ZNF426: variants seen among roughly 807,000 people sequenced by gnomAD.
ZNF426 encodes the protein CTC-543D15.7.
A neutral mutation model predicts 24.0 loss-of-function variants in ZNF426; 23 were observed. The ratio of observed to expected loss-of-function variants is 0.96; its 90% confidence interval spans 0.69 to 1.36. The LOEUF is 1.36. Ranked by LOEUF, ZNF426 falls within the 40% of genes most tolerant of loss-of-function variation. The pLI, the probability that ZNF426 is intolerant of heterozygous loss-of-function variation, is 0.00. For synonymous variants in ZNF426, 272 were observed against 224.6 expected, an observed-to-expected ratio of 1.21 and a Z score of -1.89; for missense variants, 646 against 658.4, an observed-to-expected ratio of 0.98 and a Z score of 0.21.
In ZNF426 at chr19:9,529,225, G is replaced by C. The variant is rs150370157; in HGVS notation, c.820C>G (p.Leu274Val). ...CATTTGTAGGGCTTTTTTGCATTGA[G>C]GGTTTCTATAAGCACAGAAAGGCTT... ...STSLSVLIET[L>V]NAKKPYKCKE... Residue 274 changes from leucine to valine, a missense_variant, in exon 8 of 8, where the codon CTC becomes GTC. By Grantham distance (32) the Leu-to-Val change is conservative (BLOSUM62 1). Coordinates refer to ENST00000253115, the MANE Select transcript of ZNF426 (RefSeq NM_024106.3). 2 of 1,613,830 alleles carry C rather than the reference G, an allele frequency of 1.2e-6. No homozygotes were observed. The highest frequency in any genetic ancestry group is 1.7e-6 in the Non-Finnish European group (2 of 1,179,980).
chr19:9,525,748 A>G lies in ZNF426; in HGVS notation c.*2632T>C, dbSNP rs2073786124. 1 of 151,634 alleles carries G rather than the reference A, an allele frequency of 6.6e-6. No individual in the cohort carries two copies. The highest frequency in any genetic ancestry group is 2.1e-4 in the South Asian group (1 of 4,796). 9.4% of individuals were successfully genotyped at this position (151,634 alleles called of 1,614,324 possible). ...ATGATCCACCCACCTCTGCCTCCCAAAGTGCTGGGATTACAGGGTTGAGCC... is the reference window on the plus strand; with the variant it reads ...ATGATCCACCCACCTCTGCCTCCCAGAGTGCTGGGATTACAGGGTTGAGCC... On this transcript the variant is annotated 3_prime_UTR_variant, in exon 8 of 8. Coordinates refer to ENST00000253115, the MANE Select transcript of ZNF426 (RefSeq NM_024106.3).
intron 6 of ZNF426, among the ~76,000 whole-genome samples, chr19:9,531,979 C>T (rs1345596549): frequency 6.6e-6 from 1 of 152,022 alleles, no homozygotes; most frequent in Non-Finnish European, 1.5e-5. Context: ...AGCAAGACTC[C>T]ATCTCAAAAA....
intron 6 of ZNF426, among the ~76,000 whole-genome samples, chr19:9,532,244 T>G (rs530044838): frequency 3.0e-4 from 45 of 151,966 alleles, no homozygotes; most frequent in Admixed American, 6.6e-4. Context: ...TTAAAACTTA[T>G]GTTTTGTTTA....
In ZNF426 at chr19:9,525,036, T is replaced by A. The variant is rs2073777851; in HGVS notation, c.*3344A>T. 6.6e-6 allele frequency: 1 copy of A among 151,350 alleles called. No homozygotes were observed. The highest frequency in any genetic ancestry group is 1.5e-5 in the Non-Finnish European group (1 of 67,768). 9.4% of individuals were successfully genotyped at this position (151,350 alleles called of 1,614,324 possible). On this transcript the variant is annotated 3_prime_UTR_variant, in exon 8 of 8. Transcript: ENST00000253115. The stretch of plus-strand genomic sequence containing the variant: ...AGGCCGAGGCGGGCGGATCACGAGG[T>A]CAGGAGATCGAGACCATCCTGGCTA...
chr19:9,535,820 C>T (rs113914760), intron 3 of ZNF426, among the ~76,000 whole-genome samples: 1,777 of 144,346 alleles, frequency 0.012, 34 homozygotes, highest in African/African-American at 0.042. Context: ...GACAAAAGAG[C>T]GAGACTTTGT....
chr19:9,523,612 C>A lies in ZNF426; in HGVS notation c.*4768G>T, dbSNP rs1338018902. On this transcript the variant is annotated 3_prime_UTR_variant, in exon 8 of 8. Transcript: ENST00000253115. ...AATCAGTGGTCCCCTAACTTTTTGG[C>A]ACCAGGGACCAGTTTCGTGGAAGAC... is the stretch of plus-strand genomic sequence containing the variant. 2.0e-5 allele frequency: 3 copies of A among 152,210 alleles called. No individual in the cohort carries two copies. The highest frequency in any genetic ancestry group is 7.2e-5 in the African/African-American group (3 of 41,438). The allele number at this position is 152,210 out of a possible 1,614,324, so 9.4% of individuals were successfully genotyped here. A position where few individuals can be genotyped will look rare whatever the true frequency, so the allele number is the denominator to read the frequency against.
At position 9,536,286 on chromosome 19, in the gene ZNF426, T is replaced by A. The variant is rs1458772288; in HGVS notation, c.-54A>T. The A allele has an allele frequency of 6.2e-7, 1 of 1,614,150 alleles. No homozygotes were observed. The highest frequency in any genetic ancestry group is 8.5e-7 in the Non-Finnish European group (1 of 1,180,006). On this transcript the variant is annotated 5_prime_UTR_variant, in exon 3 of 8. Transcript: ENST00000253115. Reference sequence around the variant, plus strand: ...TCCTTTCATTGATGTCACCATCACTTCAGGACACCTCATTAATCTAAATGG... The same window carrying A: ...TCCTTTCATTGATGTCACCATCACTACAGGACACCTCATTAATCTAAATGG...
chr19:9,532,158 A>T (rs1270739409), intron 6 of ZNF426, among the ~76,000 whole-genome samples: 1 of 151,876 alleles, frequency 6.6e-6, no homozygotes. Flanking sequence ...GTGTAGATAC[A>T]TTGGACAAAA....
chr19:9,527,580 A>T lies in ZNF426; in HGVS notation c.*800T>A, dbSNP rs1470548248. On this transcript the variant is annotated 3_prime_UTR_variant, in exon 8 of 8. Coordinates refer to ENST00000253115, the MANE Select transcript of ZNF426 (RefSeq NM_024106.3). ...CTCCTGTATGTAGAAAGGACTGAAGACTCAATGAAGGCTCTCCCACGTCTT... is the reference window on the plus strand; with the variant it reads ...CTCCTGTATGTAGAAAGGACTGAAGTCTCAATGAAGGCTCTCCCACGTCTT... The T allele has an allele frequency of 6.6e-6, 1 of 152,238 alleles. No individual in the cohort carries two copies. Among genetic ancestry groups the T allele is most frequent in the African/African-American group, 2.4e-5 (1 of 41,440 alleles). 9.4% of individuals were successfully genotyped at this position (152,238 alleles called of 1,614,324 possible). A position where few individuals can be genotyped will look rare whatever the true frequency, so the allele number is the denominator to read the frequency against.
In ZNF426 at chr19:9,531,087, C is replaced by T. The variant is rs2073876751; in HGVS notation, c.326-20G>A. ...CCCATCCTGAAATAAAACAGACAAA[C>T]AAATAAAAGGACTCAAGCTAGGCAC... On this transcript the variant is annotated intron_variant, in intron 6 of 7. Coordinates refer to ENST00000253115, the MANE Select transcript of ZNF426 (RefSeq NM_024106.3). 2 of 1,602,586 alleles carry T rather than the reference C, an allele frequency of 1.2e-6. No homozygotes were observed. Among genetic ancestry groups the T allele is most frequent in the Admixed American group, 1.7e-5 (1 of 59,944 alleles).
chr19:9,536,517 A>C, intron 2 of ZNF426, 161 bp from the exon 3 acceptor site: 1 of 534,670 alleles, frequency 1.9e-6, no homozygotes, highest in East Asian at 3.3e-5. Context: ...CCTGGGCAAC[A>C]TAGCAAGACC....
rs1418632525 is a variant in ZNF426, at chr19:9,523,875, GACCAGT to G, written c.*4499_*4504del. On this transcript the variant is annotated 3_prime_UTR_variant, in exon 8 of 8. Coordinates refer to ENST00000253115, the MANE Select transcript of ZNF426 (RefSeq NM_024106.3). ...GCACCCTGGATCCTAGCAGGCCACAGACCAGTACCAGTCCATGGCCCAGGGGTTTGG... is the reference window on the plus strand; with the variant it reads ...GCACCCTGGATCCTAGCAGGCCACAGACCAGTCCATGGCCCAGGGGTTTGG... The G allele has an allele frequency of 1.3e-5, 2 of 152,264 alleles. No individual in the cohort carries two copies. Among genetic ancestry groups the G allele is most frequent in the Non-Finnish European group, 2.9e-5 (2 of 68,082 alleles). The allele number at this position is 152,264 out of a possible 1,614,324, so 9.4% of individuals were successfully genotyped here.
rs1337167807 is a variant in ZNF426 at position 9,528,614 on chromosome 19, C to T, written c.1431G>A (p.Glu477=). ...MRIHTGEKPY[E]CKQCGKAFSH... is the part of the protein sequence containing the mutation. ...TGAAGGCCTTTCCACATTGTTTACA[C>T]TCATAGGGTTTTTCTCCAGTGTGGA... Residue 477 remains glutamate, a synonymous_variant, in exon 8 of 8, where the codon GAG becomes GAA. Transcript: ENST00000253115. 2 of 1,613,548 alleles carry T rather than the reference C, an allele frequency of 1.2e-6. No homozygotes were observed. The highest frequency in any genetic ancestry group is 1.7e-6 in the Non-Finnish European group (2 of 1,179,888).
chr19:9,534,591 C>T (rs1344649163), intron 4 of ZNF426, among the ~76,000 whole-genome samples: 1 of 151,712 alleles, frequency 6.6e-6, no homozygotes, highest in Non-Finnish European at 1.5e-5. Flanking sequence ...ACTTAAAGGA[C>T]ACTTTTTTTT....
chr19:9,529,034 TAC>T lies in ZNF426; in HGVS notation c.1009_1010del (p.Val337MetfsTer2). The T allele has an allele frequency of 6.2e-7, 1 of 1,613,612 alleles. No homozygotes were observed. Among genetic ancestry groups the T allele is most frequent in the South Asian group, 1.1e-5 (1 of 91,026 alleles). ...TGAAGGCTTTCCCACATTCCTTACA[TAC>T]ATAGGGTTTCTCTCCAGTGTGAGTT... The part of the protein sequence containing the change: ...GRTHTGEKPY[V>X]CKECGKAFTQ... On this transcript the variant is annotated frameshift_variant, in exon 8 of 8. Transcript: ENST00000253115. LOFTEE classifies it low-confidence loss of function (END_TRUNC).
In ZNF426 at chr19:9,528,337, C is replaced by G. The variant is rs760764784; in HGVS notation, c.*43G>C. ...TTCATGTCTTTAAAGTGAACTGGAA[C>G]AAATGAGAGCTTTCCCACATTTATT... On this transcript the variant is annotated 3_prime_UTR_variant, in exon 8 of 8. Transcript: ENST00000253115. 8.6e-6 allele frequency: 13 copies of G among 1,520,314 alleles called. No individual in the cohort carries two copies. The highest frequency in any genetic ancestry group is 1.8e-4 in the Middle Eastern group (1 of 5,644). 94.2% of individuals were successfully genotyped at this position (1,520,314 alleles called of 1,614,324 possible).
At chr19:9,533,816 T>A (rs751943735) in intron 5 of ZNF426, 24 bp downstream of exon 5, 2 of 1,613,618 alleles carry the variant, frequency 1.2e-6, no homozygotes, top group Admixed American at 3.3e-5. Context: ...CATAGAAGGC[T>A]GCAAGGGATG....
At chr19:9,536,157 G>A (rs1467599811) in intron 3 of ZNF426, 51 bp downstream of exon 3, 1 of 1,611,564 alleles carries the variant, frequency 6.2e-7, no homozygotes, top group Non-Finnish European at 8.5e-7. Flanking sequence ...ACCCTATATT[G>A]TGTAAAGGGA....
Position 9,527,439 on chromosome 19 carries a change from T to A in ZNF426, c.*941A>T, listed in dbSNP as rs764577972. On this transcript the variant is annotated 3_prime_UTR_variant, in exon 8 of 8. Coordinates refer to ENST00000253115, the MANE Select transcript of ZNF426 (RefSeq NM_024106.3). ...AGAAACTTTCTTTCCTTTTTTCTCCTCTATTTTCACATGGTCTACGACCAG... is the reference window on the plus strand; with the variant it reads ...AGAAACTTTCTTTCCTTTTTTCTCCACTATTTTCACATGGTCTACGACCAG... 3.9e-5 allele frequency: 6 copies of A among 152,266 alleles called. No homozygotes were observed. Among genetic ancestry groups the A allele is most frequent in the Non-Finnish European group, 8.8e-5 (6 of 68,056 alleles). The allele number at this position is 152,266 out of a possible 1,614,324, so 9.4% of individuals were successfully genotyped here.
Sources: allele counts gnomAD v4.1 joint callset (sites outside exome capture counted in the v4.1 genomes callset), GRCh38; gene constraint gnomAD v4.1.1; transcripts MANE v1.5; gene names NCBI Gene and HGNC (gene_info 2026-07-23, HGNC 2026-07-21).